The following LUZP2 variants were observed in gnomAD, a reference collection of about 807,000 sequenced individuals.
LUZP2 encodes the protein leucine zipper protein 2.
Under a neutral mutation model 51.6 loss-of-function variants are expected in LUZP2, and 52 were observed. The observed-to-expected ratio is 1.01, with a 90% confidence interval of 0.81 to 1.27. The LOEUF (loss-of-function observed/expected upper bound fraction) is 1.27, where lower values mean the gene tolerates loss of function less well. Ranked by LOEUF, LUZP2 falls within the 50% of genes most tolerant of loss-of-function variation. LUZP2 has a pLI of 0.00. For missense variants in LUZP2, 436 were observed against 395.4 expected (o/e 1.10, Z -0.87); for synonymous variants, 154 against 137.3 (o/e 1.12, Z -0.85).
chr11:24,549,873 A>G (rs537421920), intron 1 of LUZP2, among the ~76,000 whole-genome samples: 2 of 152,168 alleles, frequency 1.3e-5, no homozygotes, highest in African/African-American at 2.4e-5. Context: ...ATGGACATGA[A>G]TTGGAAGATT....
At chr11:24,634,301 G>A (rs77819582) in intron 1 of LUZP2, among the ~76,000 whole-genome samples, 30,413 of 151,894 alleles carry the variant, frequency 0.2, 3,269 homozygotes, top group Middle Eastern at 0.28. Context: ...CATATTACAA[G>A]GGTGGTAATG....
chr11:25,063,947 A>G (rs1858924461), intron 10 of LUZP2, among the ~76,000 whole-genome samples: 1 of 151,736 alleles, frequency 6.6e-6, no homozygotes. Context: ...TCAATATTAA[A>G]CTTTCTGAAT....
intron 7 of LUZP2, among the ~76,000 whole-genome samples, chr11:24,922,760 C>G (rs1854097669): frequency 7.0e-6 from 1 of 143,206 alleles, no homozygotes; most frequent in African/African-American, 2.5e-5. Flanking sequence ...GATTAGAAAA[C>G]CAAGACCCAG....
intron 5 of LUZP2, among the ~76,000 whole-genome samples, chr11:24,887,232 G>A (rs1247300995): frequency 2.0e-5 from 3 of 151,810 alleles, no homozygotes; most frequent in Non-Finnish European, 2.9e-5. Context: ...CAGATGGAAG[G>A]CACAAATATA....
At chr11:24,631,559 C>T (rs190216183) in intron 1 of LUZP2, among the ~76,000 whole-genome samples, 9 of 151,816 alleles carry the variant, frequency 5.9e-5, no homozygotes, top group African/African-American at 1.4e-4. Flanking sequence ...TGTATCCCTT[C>T]GTTGTAGTGT....
At chr11:24,662,069 T>C (rs1856040823) in intron 1 of LUZP2, among the ~76,000 whole-genome samples, 1 of 151,716 alleles carries the variant, frequency 6.6e-6, no homozygotes, top group Non-Finnish European at 1.5e-5. Context: ...TTTCAAATCC[T>C]AAAGCAAGCA....
intron 1 of LUZP2, among the ~76,000 whole-genome samples, chr11:24,570,449 C>T (rs547201877): frequency 6.6e-6 from 1 of 152,068 alleles, no homozygotes; most frequent in South Asian, 2.1e-4. Context: ...TTTCCTGTAA[C>T]AAAAGTAGCA....
chr11:25,031,354 C>A (rs1857680350), intron 9 of LUZP2, among the ~76,000 whole-genome samples: 1 of 151,968 alleles, frequency 6.6e-6, no homozygotes, highest in South Asian at 2.1e-4. Context: ...TCCACTATTT[C>A]TTCAGTAAAT....
intron 5 of LUZP2, among the ~76,000 whole-genome samples, chr11:24,772,264 C>T (rs1344187525): frequency 1.3e-5 from 2 of 152,212 alleles, no homozygotes; most frequent in Non-Finnish European, 2.9e-5. Context: ...TTTGGTTCAA[C>T]TCTTGTGGCT....
intron 5 of LUZP2, among the ~76,000 whole-genome samples, chr11:24,807,130 T>C (rs1181283027): frequency 6.6e-6 from 1 of 151,872 alleles, no homozygotes; most frequent in Admixed American, 6.6e-5. Flanking sequence ...ATCTCTTCCT[T>C]ACCCATTGTA....
intron 1 of LUZP2, among the ~76,000 whole-genome samples, chr11:24,666,860 T>C (rs1299373493): frequency 6.6e-6 from 1 of 152,214 alleles, no homozygotes; most frequent in African/African-American, 2.4e-5. Context: ...AGGATCTTGC[T>C]GAAAAATCTG....
chr11:24,902,565 C>T (rs1391074986), intron 5 of LUZP2, among the ~76,000 whole-genome samples: 4 of 152,122 alleles, frequency 2.6e-5, no homozygotes, highest in African/African-American at 9.7e-5. Context: ...ATGTTTAGCA[C>T]TGCTTGCTAC....
intron 5 of LUZP2, among the ~76,000 whole-genome samples, chr11:24,780,934 T>A (rs182266915): frequency 4.5e-4 from 68 of 152,252 alleles, no homozygotes; most frequent in Non-Finnish European, 1.8e-4. Context: ...CTTTTCAGCA[T>A]CCTCATTCAC....
chr11:24,733,474 A>G (rs190211277), intron 3 of LUZP2, among the ~76,000 whole-genome samples: 1 of 151,890 alleles, frequency 6.6e-6, no homozygotes, highest in East Asian at 1.9e-4. Context: ...TTGTGACAAC[A>G]TGGATGAACC....
chr11:25,033,724 C>T (rs1857769666), intron 9 of LUZP2, among the ~76,000 whole-genome samples: 2 of 152,134 alleles, frequency 1.3e-5, no homozygotes, highest in South Asian at 4.1e-4. Flanking sequence ...TGGCCTCCAA[C>T]TCCACCTATG....
intron 1 of LUZP2, among the ~76,000 whole-genome samples, chr11:24,588,884 C>G (rs924429964): frequency 1.3e-5 from 2 of 152,054 alleles, no homozygotes; most frequent in African/African-American, 4.8e-5. Flanking sequence ...ACTTCATATT[C>G]CATGTTATTC....
chr11:24,866,346 A>G, intron 5 of LUZP2, among the ~76,000 whole-genome samples: 1 of 152,144 alleles, frequency 6.6e-6, no homozygotes, highest in East Asian at 1.9e-4. Context: ...TAACTATCCC[A>G]TCAGGGAGGA....
chr11:25,053,042 G>T (rs929998636), intron 10 of LUZP2, among the ~76,000 whole-genome samples: 1 of 152,012 alleles, frequency 6.6e-6, no homozygotes, highest in Non-Finnish European at 1.5e-5. Flanking sequence ...AAAAACCACT[G>T]AATCAGCAAA....
At chr11:24,653,382 A>C (rs1443947881) in intron 1 of LUZP2, among the ~76,000 whole-genome samples, 8 of 152,186 alleles carry the variant, frequency 5.3e-5, no homozygotes, top group Non-Finnish European at 1.0e-4. Context: ...TTATACCCCC[A>C]AAAACAGGAC....
Sources: gnomAD v4.1 joint callset for allele counts (sites outside exome capture counted in the v4.1 genomes callset) on GRCh38, gnomAD v4.1.1 for gene constraint, MANE v1.5 for transcripts, NCBI Gene and HGNC (gene_info 2026-07-23, HGNC 2026-07-21) for gene names.